KLHL29: variants seen among roughly 807,000 people sequenced by gnomAD.
KLHL29 encodes the protein kelch-like protein 29.
In KLHL29, 21 loss-of-function variants were observed where a neutral mutation model predicts 80.4. The observed-to-expected ratio is 0.26, with a 90% CI of 0.19 to 0.38. The LOEUF (loss-of-function observed/expected upper bound fraction) is 0.38, where lower values mean the gene tolerates loss of function less well. Among genes scored for constraint, KLHL29 ranks in the 10% least tolerant of loss-of-function variants. The probability of loss-of-function intolerance (pLI) is 1.00; values close to 1 mark genes in which losing one functional copy is unlikely to be tolerated. For missense variants in KLHL29, 867 were observed against 1,223.9 expected (o/e 0.71, Z 4.35); for synonymous variants, 511 against 526.8 (o/e 0.97, Z 0.41).
At chr2:23,610,576 ACT>A (rs545610872) in intron 3 of KLHL29, among the ~76,000 whole-genome samples, 128 of 152,074 alleles carry the variant, frequency 8.4e-4, no homozygotes, top group Admixed American at 3.5e-3. Flanking sequence ...GTGGCTTCTG[ACT>A]CTGAAATTTT....
intron 4 of KLHL29, among the ~76,000 whole-genome samples, chr2:23,641,090 A>G (rs577637481): frequency 1.3e-5 from 2 of 151,846 alleles, no homozygotes; most frequent in African/African-American, 4.8e-5. Context: ...CCAAGGTACC[A>G]TTTGGGCCAT....
chr2:23,534,325 A>G (rs1666597523), intron 2 of KLHL29, among the ~76,000 whole-genome samples: 1 of 152,088 alleles, frequency 6.6e-6, no homozygotes, highest in Non-Finnish European at 1.5e-5. Flanking sequence ...ACATTTGTGC[A>G]ACACCTAGCC....
chr2:23,654,075 G>A (rs1046292297), intron 5 of KLHL29, among the ~76,000 whole-genome samples: 5 of 152,218 alleles, frequency 3.3e-5, no homozygotes, highest in Non-Finnish European at 5.9e-5. Flanking sequence ...GCTGAGGCAC[G>A]AGAATCGCTT....
intron 5 of KLHL29, among the ~76,000 whole-genome samples, chr2:23,660,291 C>T (rs1471228124): frequency 6.6e-6 from 1 of 152,222 alleles, no homozygotes; most frequent in Non-Finnish European, 1.5e-5. Flanking sequence ...TGGCTTAGGT[C>T]ACCTCAGCTC....
Position 23,537,465 on chromosome 2 carries a change from C to G in KLHL29, c.-45-24687C>G, listed in dbSNP as rs963038584. Among the ~76,000 whole-genome samples the G allele has an allele frequency of 1.1e-4, 14 of 127,764 alleles. No homozygotes were observed. In the East Asian group the frequency reaches 1.4e-3, roughly 13 times the overall value. The allele number at this position is 127,764 out of a possible 152,430, so 83.8% of individuals were successfully genotyped here. A position where few individuals can be genotyped will look rare whatever the true frequency, so the allele number is the denominator to read the frequency against. ...ACACACACACACACACACACACACA[C>G]AGGCACGCACACGCTTCTCCAGCAG... On this transcript the variant is annotated intron_variant, in intron 2 of 13. Transcript: ENST00000486442.
chr2:23,502,562 C>T (rs1352479333), intron 2 of KLHL29, among the ~76,000 whole-genome samples: 1 of 152,272 alleles, frequency 6.6e-6, no homozygotes, highest in East Asian at 1.9e-4. Flanking sequence ...CCCCTTCATC[C>T]TCTGACCCGC....
At chr2:23,635,923 TAA>T (rs761788100) in intron 3 of KLHL29, among the ~76,000 whole-genome samples, 1 of 152,358 alleles carries the variant, frequency 6.6e-6, no homozygotes, top group Non-Finnish European at 1.5e-5. Flanking sequence ...CTGCCCGGGC[TAA>T]GTTCTTCTGG....
chr2:23,704,569 C>A (rs535036288), intron 13 of KLHL29, among the ~76,000 whole-genome samples: 1 of 152,302 alleles, frequency 6.6e-6, no homozygotes, highest in South Asian at 2.1e-4. Flanking sequence ...GAGTTCAAGA[C>A]CAGCTTGGCC....
At chr2:23,567,195 C>T (rs1250143686) in intron 3 of KLHL29, among the ~76,000 whole-genome samples, 1 of 152,212 alleles carries the variant, frequency 6.6e-6, no homozygotes, top group African/African-American at 2.4e-5. Context: ...CTCAGCAAAC[C>T]TGCTTGACAG....
At position 23,693,231 on chromosome 2, in the gene KLHL29, G is replaced by A. The variant is rs183179970; in HGVS notation, c.1283-38G>A. 1.9e-3 allele frequency: 2,816 copies of A among 1,519,370 alleles called. 4 individuals carry two copies. Among genetic ancestry groups the A allele is most frequent in the Non-Finnish European group, 2.3e-3 (2,538 of 1,127,280 alleles). The allele number at this position is 1,519,370 out of a possible 1,614,324, so 94.1% of individuals were successfully genotyped here. A position where few individuals can be genotyped will look rare whatever the true frequency, so the allele number is the denominator to read the frequency against. ...TGGGAACAGGTGGCAACTGCTTCCCGGGCCTTTGGGTCAGTGGTCCTGCGC... is the reference window on the plus strand; with the variant it reads ...TGGGAACAGGTGGCAACTGCTTCCCAGGCCTTTGGGTCAGTGGTCCTGCGC... On this transcript the variant is annotated intron_variant, in intron 7 of 13. Transcript: ENST00000486442.
intron 3 of KLHL29, among the ~76,000 whole-genome samples, chr2:23,591,785 C>T (rs1044627827): frequency 3.9e-5 from 6 of 152,212 alleles, no homozygotes; most frequent in Admixed American, 3.3e-4. Context: ...TCGCCTTCCT[C>T]GTCGCGTTCC....
At chr2:23,552,920 C>A (rs1317732686) in intron 2 of KLHL29, among the ~76,000 whole-genome samples, 1 of 152,034 alleles carries the variant, frequency 6.6e-6, no homozygotes, top group Non-Finnish European at 1.5e-5. Flanking sequence ...TCATCACATC[C>A]AGCCAATTTT....
At chr2:23,510,807 A>G (rs974214484) in intron 2 of KLHL29, among the ~76,000 whole-genome samples, 3 of 152,160 alleles carry the variant, frequency 2.0e-5, no homozygotes, top group Non-Finnish European at 4.4e-5. Flanking sequence ...TTCTCAAGCC[A>G]TCTCCTGCCC....
intron 1 of KLHL29, among the ~76,000 whole-genome samples, chr2:23,411,999 G>A (rs904245564): frequency 3.9e-5 from 6 of 152,120 alleles, no homozygotes; most frequent in African/African-American, 1.2e-4. Flanking sequence ...GTTGAGAAAA[G>A]GGTGGTGAGA....
chr2:23,526,486 T>C (rs1343741407), intron 2 of KLHL29, among the ~76,000 whole-genome samples: 1 of 152,134 alleles, frequency 6.6e-6, no homozygotes, highest in Non-Finnish European at 1.5e-5. Flanking sequence ...TGAGACGCCC[T>C]GAATTCCAGG....
At chr2:23,646,654 C>T (rs896176943) in intron 5 of KLHL29, among the ~76,000 whole-genome samples, 4 of 152,154 alleles carry the variant, frequency 2.6e-5, no homozygotes, top group African/African-American at 9.7e-5. Flanking sequence ...TGGTTCAGCC[C>T]CTTCCTTTGG....
intron 1 of KLHL29, among the ~76,000 whole-genome samples, chr2:23,433,734 T>C (rs1213636697): frequency 6.6e-6 from 1 of 151,980 alleles, no homozygotes; most frequent in African/African-American, 2.4e-5. Flanking sequence ...GGCAACATAA[T>C]GAGACTCCCA....
At chr2:23,598,722 C>CCCT (rs1382608701) in intron 3 of KLHL29, among the ~76,000 whole-genome samples, 1 of 152,240 alleles carries the variant, frequency 6.6e-6, no homozygotes, top group Non-Finnish European at 1.5e-5. Context: ...GGCCAAGGCT[C>CCCT]CCTGTGTTTT....
intron 3 of KLHL29, among the ~76,000 whole-genome samples, chr2:23,572,921 C>T (rs1667751964): frequency 1.3e-5 from 2 of 152,212 alleles, no homozygotes; most frequent in African/African-American, 4.8e-5. Flanking sequence ...ATCTCCTGAC[C>T]TCGTGATCCG....
Sources: gnomAD v4.1 joint callset for allele counts (sites outside exome capture counted in the v4.1 genomes callset) on GRCh38, gnomAD v4.1.1 for gene constraint, MANE v1.5 for transcripts, NCBI Gene and HGNC (gene_info 2026-07-23, HGNC 2026-07-21) for gene names.